Variants in AP3S2 observed in about 807,000 individuals in gnomAD.
The protein encoded by AP3S2 is adaptor related protein complex 3 subunit sigma 2, also known as AP-3 complex subunit sigma-2.
A neutral mutation model predicts 23.4 loss-of-function variants in AP3S2; 22 were observed. The ratio of observed to expected loss-of-function variants is 0.94; its 90% CI spans 0.67 to 1.34. The LOEUF is 1.34. Ranked by LOEUF, AP3S2 falls within the 40% of genes most tolerant of loss-of-function variation. The pLI, the probability that AP3S2 is intolerant of heterozygous loss-of-function variation, is 0.00. For synonymous variants in AP3S2, 86 were observed against 87.1 expected (o/e 0.99, Z 0.07); for missense variants, 241 against 236.9 (o/e 1.02, Z -0.11).
chr15:89,891,614 A>G (rs1896822647), intron 1 of AP3S2, among the ~76,000 whole-genome samples: 1 of 151,766 alleles, frequency 6.6e-6, no homozygotes, highest in Admixed American at 6.6e-5. Flanking sequence ...AACCGAGATC[A>G]CGCCACTGCA....
chr15:89,841,742 C>A (rs780450664), intron 4 of AP3S2, among the ~76,000 whole-genome samples: 1 of 152,126 alleles, frequency 6.6e-6, no homozygotes, highest in Non-Finnish European at 1.5e-5. Context: ...TAGCCCAGAA[C>A]AGAGTTTTGG....
chr15:89,866,626 T>C (rs964293363), intron 4 of AP3S2, among the ~76,000 whole-genome samples: 3 of 151,846 alleles, frequency 2.0e-5, no homozygotes, highest in South Asian at 4.2e-4. Context: ...GCTGGAATTA[T>C]AGGCATGCAC....
chr15:89,886,232 T>G (rs1465344227), intron 3 of AP3S2, among the ~76,000 whole-genome samples: 1 of 152,016 alleles, frequency 6.6e-6, no homozygotes, highest in African/African-American at 2.4e-5. Context: ...TCCCAGCTAC[T>G]CGAGAGGCTG....
chr15:89,845,497 C>T (rs1895464473), intron 4 of AP3S2: 1 of 152,184 alleles, frequency 6.6e-6, no homozygotes, highest in African/African-American at 2.4e-5. Context: ...GGCTGCCAAG[C>T]ATGGGTGTGG....
intron 4 of AP3S2, among the ~76,000 whole-genome samples, chr15:89,840,677 C>T (rs1290300602): frequency 2.0e-5 from 3 of 152,216 alleles, no homozygotes; most frequent in East Asian, 1.9e-4. Context: ...ATCCCCCTGC[C>T]TTGGCCTCCC....
At chr15:89,856,514 G>C (rs996202158) in intron 4 of AP3S2, among the ~76,000 whole-genome samples, 2 of 151,988 alleles carry the variant, frequency 1.3e-5, no homozygotes, top group Admixed American at 1.3e-4. Context: ...GCCTGGCCAA[G>C]ATGGTGCAAC....
intron 4 of AP3S2, among the ~76,000 whole-genome samples, chr15:89,864,662 G>A (rs902459981): frequency 6.6e-6 from 1 of 151,736 alleles, no homozygotes. Flanking sequence ...TCCTGCCTCA[G>A]CCTCTCAAGT....
intron 3 of AP3S2, among the ~76,000 whole-genome samples, chr15:89,887,513 T>C (rs1896727701): frequency 1.3e-5 from 2 of 150,450 alleles, no homozygotes; most frequent in Non-Finnish European, 3.0e-5. Context: ...CTGGGATTAC[T>C]GGCACGTGCC....
chr15:89,866,522 G>C (rs1402438395), intron 4 of AP3S2, among the ~76,000 whole-genome samples: 1 of 143,086 alleles, frequency 7.0e-6, no homozygotes, highest in Non-Finnish European at 1.5e-5. Flanking sequence ...TTTTGCTCTT[G>C]TTGCCCAGGC....
At chr15:89,881,616 C>T (rs1019841909) in intron 3 of AP3S2, among the ~76,000 whole-genome samples, 1 of 141,430 alleles carries the variant, frequency 7.1e-6, no homozygotes, top group Admixed American at 6.9e-5. Context: ...TTTCACTGGA[C>T]AAGTGGTTCA....
chr15:89,888,681 T>A, intron 2 of AP3S2, 49 bp from the exon 3 acceptor site: 1 of 1,561,276 alleles, frequency 6.4e-7, no homozygotes, highest in African/African-American at 1.4e-5. Flanking sequence ...ATTAAACACA[T>A]CAAAAAGAAA....
At chr15:89,851,083 G>A (rs984671376) in intron 4 of AP3S2, among the ~76,000 whole-genome samples, 1 of 152,188 alleles carries the variant, frequency 6.6e-6, no homozygotes. Context: ...AGAGCTGGAA[G>A]AAGGAAATGA....
intron 1 of AP3S2, 53 bp from the exon 2 acceptor site, chr15:89,889,193 C>G: frequency 6.3e-7 from 1 of 1,599,594 alleles, no homozygotes; most frequent in Non-Finnish European, 8.6e-7. Context: ...AAACTACATC[C>G]CATCCATGGG....
chr15:89,877,342 A>T (rs114847603), intron 3 of AP3S2: 2 of 1,304,272 alleles, frequency 1.5e-6, no homozygotes, highest in African/African-American at 3.0e-5. Context: ...TCTTGTTCTG[A>T]TGTCAGGTCC....
At chr15:89,841,692 G>C (rs562988946) in intron 4 of AP3S2, among the ~76,000 whole-genome samples, 2 of 152,010 alleles carry the variant, frequency 1.3e-5, no homozygotes, top group Admixed American at 6.6e-5. Flanking sequence ...AAGGGTAAAC[G>C]GACTCACCCA....
chr15:89,871,212 A>G (rs1389182914), intron 4 of AP3S2, among the ~76,000 whole-genome samples: 5 of 152,208 alleles, frequency 3.3e-5, no homozygotes, highest in South Asian at 2.1e-4. Flanking sequence ...TCATTCTCCT[A>G]TATCAAGAAA....
chr15:89,876,769 A>G (rs753409706), intron 3 of AP3S2: 1 of 153,304 alleles, frequency 6.5e-6, no homozygotes, highest in Non-Finnish European at 1.5e-5. Context: ...TTGGGAAAAA[A>G]TTTTTTAAAA....
intron 4 of AP3S2, among the ~76,000 whole-genome samples, chr15:89,843,771 G>A (rs576123562): frequency 1.3e-5 from 2 of 152,336 alleles, no homozygotes; most frequent in African/African-American, 4.8e-5. Context: ...TCGTGCCACT[G>A]CACTCCAGCC....
chr15:89,856,521 C>T (rs1245587130), intron 4 of AP3S2, among the ~76,000 whole-genome samples: 1 of 151,784 alleles, frequency 6.6e-6, no homozygotes, highest in Non-Finnish European at 1.5e-5. Context: ...CAAGATGGTG[C>T]AACCCCGTCT....
Sources: allele counts gnomAD v4.1 joint callset (sites outside exome capture counted in the v4.1 genomes callset), GRCh38; gene constraint gnomAD v4.1.1; transcripts MANE v1.5; gene names NCBI Gene and HGNC (gene_info 2026-07-23, HGNC 2026-07-21).